MSRA: variants seen among roughly 807,000 people sequenced by gnomAD.
MSRA encodes methionine sulfoxide reductase A, also known as mitochondrial peptide methionine sulfoxide reductase.
In MSRA, 54 loss-of-function variants were observed where a neutral mutation model predicts 31.3. The observed-to-expected ratio is 1.73, with a 90% CI of 1.39 to 2.17. The LOEUF (loss-of-function observed/expected upper bound fraction) is 2.17. MSRA is among the 30% of genes most tolerant of loss of function. The pLI is 0.00. For missense variants in MSRA, 507 were observed against 300.9 expected (o/e 1.69, Z -5.07); for synonymous variants, 169 against 116.5 (o/e 1.45, Z -2.90).
At chr8:10,068,278 A>G (rs182953607) in intron 1 of MSRA, among the ~76,000 whole-genome samples, 1 of 152,154 alleles carries the variant, frequency 6.6e-6, no homozygotes, top group Non-Finnish European at 1.5e-5. Flanking sequence ...TTGTCTTCTT[A>G]TCTTCTTGAC....
intron 1 of MSRA, among the ~76,000 whole-genome samples, chr8:10,061,836 C>T (rs1797206493): frequency 6.6e-6 from 1 of 151,852 alleles, no homozygotes; most frequent in African/African-American, 2.4e-5. Flanking sequence ...TGACTTTGGC[C>T]AGGATGAAGG....
intron 1 of MSRA, among the ~76,000 whole-genome samples, chr8:10,088,942 T>G (rs1179575541): frequency 6.6e-6 from 1 of 152,104 alleles, no homozygotes; most frequent in Non-Finnish European, 1.5e-5. Context: ...ATCTCAAATA[T>G]TAATACACAC....
intron 1 of MSRA, among the ~76,000 whole-genome samples, chr8:10,159,565 A>C (rs1306624094): frequency 6.6e-6 from 1 of 152,248 alleles, no homozygotes; most frequent in Non-Finnish European, 1.5e-5. Context: ...ATACAGTTAA[A>C]GAACAACATT....
chr8:10,208,087 A>G (rs1435625339), intron 2 of MSRA, among the ~76,000 whole-genome samples, 186 bp downstream of exon 2: 1 of 152,208 alleles, frequency 6.6e-6, no homozygotes, highest in East Asian at 1.9e-4. Context: ...ATTCTATAGA[A>G]TTTAGCGTGC....
At chr8:10,166,749 C>G (rs1805165476) in intron 1 of MSRA, among the ~76,000 whole-genome samples, 1 of 152,088 alleles carries the variant, frequency 6.6e-6, no homozygotes, top group Admixed American at 6.6e-5. Flanking sequence ...TTAGCTGGGC[C>G]CTTGCTTGTT....
rs1809377145 is a variant in MSRA at position 10,210,433 on chromosome 8, C to A, written c.211+2532C>A. Reference sequence around the variant, plus strand: ...CTGGGTCCACACACAAAAGTATGATCTGCAGCCAGGCCCATTTAGCAAATC... The same window carrying A: ...CTGGGTCCACACACAAAAGTATGATATGCAGCCAGGCCCATTTAGCAAATC... On this transcript the variant is annotated intron_variant, in intron 2 of 5. Coordinates refer to ENST00000317173, the MANE Select transcript of MSRA (RefSeq NM_012331.5). 2.0e-5 allele frequency among the ~76,000 whole-genome samples: 3 copies of A among 152,338 alleles called. No homozygotes were observed. The South Asian group carries it at 6.2e-4, about 32-fold the overall frequency.
intron 5 of MSRA, among the ~76,000 whole-genome samples, chr8:10,401,887 T>A (rs1207448202): frequency 6.6e-6 from 1 of 151,828 alleles, no homozygotes; most frequent in Non-Finnish European, 1.5e-5. Context: ...GGAATAGAGG[T>A]TCCCAGGGGC....
At chr8:10,246,242 G>C (rs373049197) in intron 3 of MSRA, among the ~76,000 whole-genome samples, 2 of 152,130 alleles carry the variant, frequency 1.3e-5, no homozygotes, top group Admixed American at 6.5e-5. Context: ...ATTTACCGTT[G>C]GGTGCTTTAC....
intron 1 of MSRA, among the ~76,000 whole-genome samples, chr8:10,183,973 A>G (rs1213538514): frequency 1.1e-5 from 1 of 89,096 alleles, no homozygotes; most frequent in East Asian, 3.1e-4. Flanking sequence ...GATGGTGTTG[A>G]CAGTAGTGTT....
chr8:10,282,775 A>G (rs1191701591), intron 3 of MSRA, among the ~76,000 whole-genome samples: 1 of 152,174 alleles, frequency 6.6e-6, no homozygotes, highest in South Asian at 2.1e-4. Flanking sequence ...CACTCTTATC[A>G]GTGCACCTTC....
At chr8:10,302,945 T>A (rs1446595746) in intron 4 of MSRA, among the ~76,000 whole-genome samples, 1 of 152,174 alleles carries the variant, frequency 6.6e-6, no homozygotes, top group Non-Finnish European at 1.5e-5. Flanking sequence ...GGAAGGCAGG[T>A]CTGTGGGCCT....
chr8:10,233,497 G>C (rs192573962), intron 2 of MSRA, among the ~76,000 whole-genome samples: 145 of 152,136 alleles, frequency 9.5e-4, no homozygotes, highest in Non-Finnish European at 1.7e-3. Context: ...ACAGAAAATA[G>C]GCAAAATAAA....
chr8:10,220,286 G>A (rs984506163), intron 2 of MSRA, among the ~76,000 whole-genome samples: 2 of 152,192 alleles, frequency 1.3e-5, no homozygotes, highest in South Asian at 2.1e-4. Flanking sequence ...CAACAGTGGT[G>A]CCTGCAGATG....
chr8:10,094,092 T>A (rs1222700907), intron 1 of MSRA, among the ~76,000 whole-genome samples: 58 of 152,258 alleles, frequency 3.8e-4, no homozygotes, highest in Admixed American at 3.7e-3. Context: ...AAATTCACTG[T>A]TAGTCTGCCC....
intron 1 of MSRA, among the ~76,000 whole-genome samples, chr8:10,198,891 T>C (rs557459015): frequency 8.5e-5 from 13 of 152,288 alleles, no homozygotes; most frequent in African/African-American, 2.6e-4. Context: ...TCCAATTAGA[T>C]TGTAGCGTTT....
intron 5 of MSRA, among the ~76,000 whole-genome samples, chr8:10,393,902 A>G (rs1585669249): frequency 6.6e-6 from 1 of 152,192 alleles, no homozygotes; most frequent in Non-Finnish European, 1.5e-5. Flanking sequence ...TGAAGATACT[A>G]TGTGTATAAC....
chr8:10,419,877 G>A (rs1808706540), intron 5 of MSRA, among the ~76,000 whole-genome samples: 1 of 152,154 alleles, frequency 6.6e-6, no homozygotes, highest in Non-Finnish European at 1.5e-5. Flanking sequence ...AGAAAGAATG[G>A]CCAAGCCATA....
At chr8:10,117,825 A>G (rs1800795381) in intron 1 of MSRA, among the ~76,000 whole-genome samples, 1 of 152,152 alleles carries the variant, frequency 6.6e-6, no homozygotes, top group South Asian at 2.1e-4. Context: ...CCCTAAATTT[A>G]CTCTCATTTT....
chr8:10,301,111 C>T (rs1800820774), intron 3 of MSRA, among the ~76,000 whole-genome samples: 1 of 152,168 alleles, frequency 6.6e-6, no homozygotes, highest in Non-Finnish European at 1.5e-5. Context: ...GGCACCATCT[C>T]ACTGTGGTGC....
Sources: allele counts gnomAD v4.1 joint callset (sites outside exome capture counted in the v4.1 genomes callset), GRCh38; gene constraint gnomAD v4.1.1; transcripts MANE v1.5; gene names NCBI Gene and HGNC (gene_info 2026-07-23, HGNC 2026-07-21).